DLGAP2: variants seen among roughly 807,000 people sequenced by gnomAD.
The protein encoded by DLGAP2 is DLG associated protein 2.
DLGAP2 carries 26 observed loss-of-function variants against 100.3 expected under a neutral mutation model. That is an observed-to-expected ratio of 0.26 (90% CI 0.19 to 0.36). The LOEUF is 0.36. Ranked by LOEUF, DLGAP2 falls within the 10% of genes least tolerant of loss-of-function variation. The pLI is 1.00. For synonymous variants in DLGAP2, 886 were observed against 630.1 expected (o/e 1.41, Z -6.08); for missense variants, 1,858 against 1,453.2 (o/e 1.28, Z -4.53).
intron 3 of DLGAP2, among the ~76,000 whole-genome samples, chr8:1,439,990 G>T (rs192426725): frequency 5.9e-5 from 9 of 152,274 alleles, no homozygotes; most frequent in Admixed American, 4.6e-4. Context: ...CAAGTCACCA[G>T]AGCCACACTC....
intron 3 of DLGAP2, among the ~76,000 whole-genome samples, chr8:1,454,829 C>G (rs1032101328): frequency 6.6e-6 from 1 of 152,126 alleles, no homozygotes; most frequent in Non-Finnish European, 1.5e-5. Context: ...ACCTTCGATA[C>G]CCCATCAGGA....
In DLGAP2 at chr8:1,668,369, G is replaced by T. The variant is rs1341474036; in HGVS notation, c.1851G>T (p.Val617=). Residue 617 remains valine (V), a synonymous_variant, in exon 9 of 15, where the codon GTG becomes GTT. Coordinates refer to ENST00000637795, the MANE Select transcript of DLGAP2 (RefSeq NM_001346810.2). The part of the protein sequence containing the change: ...YTNYKKTPPP[V]PPRTTSKPLI... ...ATTACAAGAAAACGCCCCCACCGGTGCCCCCTCGGACCACCTCCAAGCCTC... is the reference window on the plus strand; with the variant it reads ...ATTACAAGAAAACGCCCCCACCGGTTCCCCCTCGGACCACCTCCAAGCCTC... The T allele has an allele frequency of 6.4e-7, 1 of 1,559,434 alleles. No individual in the cohort carries two copies. The highest frequency in any genetic ancestry group is 8.6e-7 in the Non-Finnish European group (1 of 1,156,146).
chr8:963,080 A>C (rs1799765455), intron 2 of DLGAP2, among the ~76,000 whole-genome samples: 1 of 152,076 alleles, frequency 6.6e-6, no homozygotes, highest in Admixed American at 6.5e-5. Context: ...GGCGCCATCC[A>C]GGAAAGCACC....
intron 2 of DLGAP2, among the ~76,000 whole-genome samples, chr8:1,101,439 G>C (rs916073327): frequency 5.9e-5 from 9 of 152,150 alleles, no homozygotes; most frequent in Non-Finnish European, 4.4e-5. Flanking sequence ...CGGCCACAGA[G>C]GGACACCCAC....
At chr8:1,096,220 T>G (rs1262115799) in intron 2 of DLGAP2, among the ~76,000 whole-genome samples, 1 of 152,226 alleles carries the variant, frequency 6.6e-6, no homozygotes, top group Admixed American at 6.5e-5. Context: ...GACTGTTGAT[T>G]ATTTCCCAAG....
chr8:1,093,310 C>T (rs535376971), intron 2 of DLGAP2, among the ~76,000 whole-genome samples: 6,470 of 151,006 alleles, frequency 0.043, 173 homozygotes, highest in South Asian at 0.081. Context: ...GACAGTCAGA[C>T]GGAAATACTT....
chr8:1,125,982 A>T (rs1796154310), intron 2 of DLGAP2, among the ~76,000 whole-genome samples: 1 of 152,240 alleles, frequency 6.6e-6, no homozygotes, highest in Non-Finnish European at 1.5e-5. Context: ...TAACACATTC[A>T]TCTCCATGGA....
intron 2 of DLGAP2, among the ~76,000 whole-genome samples, chr8:1,220,584 TG>T (rs1798296819): frequency 6.6e-6 from 1 of 152,072 alleles, no homozygotes; most frequent in Non-Finnish European, 1.5e-5. Flanking sequence ...CTGTTGTTGT[TG>T]GGGAGAGTAT....
intron 3 of DLGAP2, among the ~76,000 whole-genome samples, chr8:1,270,762 C>G (rs1468029282): frequency 1.3e-5 from 2 of 150,630 alleles, no homozygotes; most frequent in African/African-American, 2.4e-5. Context: ...CTACCTCTCT[C>G]TGTGTGTCTC....
intron 2 of DLGAP2, among the ~76,000 whole-genome samples, chr8:1,119,621 G>A (rs144063720): frequency 6.6e-6 from 1 of 152,362 alleles, no homozygotes; most frequent in African/African-American, 2.4e-5. Flanking sequence ...CAGCACACAC[G>A]CTGTTTCCTC....
chr8:1,101,106 C>G (rs1185942716), intron 2 of DLGAP2, among the ~76,000 whole-genome samples: 1 of 152,236 alleles, frequency 6.6e-6, no homozygotes, highest in Non-Finnish European at 1.5e-5. Flanking sequence ...ACGGCATCTT[C>G]ACTCTGATGT....
At chr8:1,509,493 G>C (rs993980123) in intron 4 of DLGAP2, among the ~76,000 whole-genome samples, 6 of 152,008 alleles carry the variant, frequency 3.9e-5, no homozygotes, top group Admixed American at 1.3e-4. Flanking sequence ...CAAAAAGTTT[G>C]AAAGCCCTTG....
intron 4 of DLGAP2, among the ~76,000 whole-genome samples, chr8:1,542,213 C>G (rs187690013): frequency 4.5e-4 from 68 of 152,346 alleles, no homozygotes; most frequent in African/African-American, 1.6e-3. Flanking sequence ...TGTCTTCCTT[C>G]ATCACATGCG....
At chr8:944,438 G>C (rs1377081966) in intron 2 of DLGAP2, among the ~76,000 whole-genome samples, 1 of 152,052 alleles carries the variant, frequency 6.6e-6, no homozygotes, top group African/African-American at 2.4e-5. Context: ...TGACCCAGTG[G>C]GTGACAACTG....
At chr8:899,342 A>G (rs1207564227) in intron 1 of DLGAP2, among the ~76,000 whole-genome samples, 6 of 152,182 alleles carry the variant, frequency 3.9e-5, no homozygotes, top group Non-Finnish European at 8.8e-5. Flanking sequence ...TGAGCAGCCT[A>G]TCTGATGCCT....
chr8:1,181,327 C>T (rs1487739028), intron 2 of DLGAP2, among the ~76,000 whole-genome samples: 1 of 152,208 alleles, frequency 6.6e-6, no homozygotes, highest in Non-Finnish European at 1.5e-5. Flanking sequence ...AAAATTAAAG[C>T]TTGAGTGCAC....
chr8:997,954 CACAT>C (rs1481967217), intron 2 of DLGAP2, among the ~76,000 whole-genome samples: 1 of 151,996 alleles, frequency 6.6e-6, no homozygotes, highest in African/African-American at 2.4e-5. Flanking sequence ...AAACACATCA[CACAT>C]GCATACACGC....
rs1339145572 is a variant in DLGAP2, at chr8:1,248,830, G to T, written c.74-10021G>T. ...TGCGGGAAGTGATGTTTTCAGTGGA[G>T]TGTTGGAGATGGGACCTGCACACGG... On this transcript the variant is annotated intron_variant, in intron 2 of 14. Coordinates refer to ENST00000637795, the MANE Select transcript of DLGAP2 (RefSeq NM_001346810.2). 2.0e-5 allele frequency: 3 copies of T among 152,468 alleles called. No individual in the cohort carries two copies. In the East Asian group the frequency reaches 5.8e-4, roughly 29 times the overall value. 9.4% of individuals were successfully genotyped at this position (152,468 alleles called of 1,614,324 possible). A position where few individuals can be genotyped will look rare whatever the true frequency, so the allele number is the denominator to read the frequency against.
intron 2 of DLGAP2, among the ~76,000 whole-genome samples, chr8:1,254,974 T>TCCGGGTGCTGTGTGTGTGCCCTCTCCTGC (rs1799146382): frequency 9.3e-5 from 3 of 32,320 alleles, no homozygotes; most frequent in African/African-American, 1.5e-4. Context: ...TCTCATCCTG[T>TCCGGGTGCTGTGTGTGTGCCCTCTCCTGC]CCGGGTGCTG....
Sources: allele counts gnomAD v4.1 joint callset (sites outside exome capture counted in the v4.1 genomes callset), GRCh38; gene constraint gnomAD v4.1.1; transcripts MANE v1.5; gene names NCBI Gene and HGNC (gene_info 2026-07-23, HGNC 2026-07-21).